MYT1L: variants seen among roughly 807,000 people sequenced by gnomAD.
MYT1L encodes myelin transcription factor 1 like, also known as myelin transcription factor 1-like protein.
MYT1L carries 12 observed loss-of-function variants against 126.7 expected under a neutral mutation model. The ratio of observed to expected loss-of-function variants is 0.09; its 90% confidence interval spans 0.06 to 0.15. The LOEUF (loss-of-function observed/expected upper bound fraction) is 0.15. Among genes scored for constraint, MYT1L ranks in the 10% least tolerant of loss-of-function variants. MYT1L has a pLI of 1.00. For synonymous variants in MYT1L, 541 were observed against 604.2 expected (o/e 0.90, Z 1.53); for missense variants, 979 against 1,585.2 (o/e 0.62, Z 6.49).
chr2:1,895,291 C>A (rs551587392), intron 14 of MYT1L, among the ~76,000 whole-genome samples: 118 of 152,328 alleles, frequency 7.7e-4, no homozygotes, highest in African/African-American at 2.6e-3. Context: ...CCAAAGCAAT[C>A]TGCAGATTCA....
intron 2 of MYT1L, among the ~76,000 whole-genome samples, chr2:2,255,284 A>G (rs2094775875): frequency 6.6e-6 from 1 of 152,118 alleles, no homozygotes; most frequent in South Asian, 2.1e-4. Flanking sequence ...TAAATTTCCA[A>G]CACACACTCA....
intron 21 of MYT1L, among the ~76,000 whole-genome samples, chr2:1,818,020 G>A (rs982357698): frequency 6.6e-6 from 1 of 152,194 alleles, no homozygotes; most frequent in Non-Finnish European, 1.5e-5. Flanking sequence ...TCAGCACCAG[G>A]GATTCCAGAT....
chr2:1,906,661 C>T (rs2051100754), intron 13 of MYT1L, among the ~76,000 whole-genome samples: 1 of 152,048 alleles, frequency 6.6e-6, no homozygotes, highest in Admixed American at 6.6e-5. Flanking sequence ...ATTAATTTAG[C>T]CGATTTACTT....
At chr2:2,312,680 G>C (rs1231408133) in intron 1 of MYT1L, among the ~76,000 whole-genome samples, 1 of 152,120 alleles carries the variant, frequency 6.6e-6, no homozygotes, top group East Asian at 1.9e-4. Flanking sequence ...TTCATTCTAT[G>C]CTTTCTACCC....
At chr2:2,306,947 A>G (rs2095867118) in intron 1 of MYT1L, among the ~76,000 whole-genome samples, 1 of 152,208 alleles carries the variant, frequency 6.6e-6, no homozygotes, top group Non-Finnish European at 1.5e-5. Flanking sequence ...TCAAAAGAAA[A>G]GGGCTAGAAT....
At chr2:2,212,979 G>A (rs2093572686) in intron 2 of MYT1L, among the ~76,000 whole-genome samples, 1 of 152,168 alleles carries the variant, frequency 6.6e-6, no homozygotes, top group East Asian at 1.9e-4. Context: ...AGGCAAATAA[G>A]TAGAGGGGAG....
intron 2 of MYT1L, among the ~76,000 whole-genome samples, chr2:2,194,692 T>C (rs991059091): frequency 6.6e-6 from 1 of 152,196 alleles, no homozygotes; most frequent in South Asian, 2.1e-4. Flanking sequence ...CTGTGAGACC[T>C]TCCCCCCTCA....
intron 3 of MYT1L, among the ~76,000 whole-genome samples, chr2:2,157,769 T>C (rs1416891362): frequency 1.3e-5 from 2 of 152,190 alleles, no homozygotes; most frequent in African/African-American, 4.8e-5. Flanking sequence ...TAAAAGAAAA[T>C]GTCTGTTGTC....
In MYT1L at chr2:2,129,194, C is replaced by T. The variant is rs189998075; in HGVS notation, c.-304+43678G>A. On this transcript the variant is annotated intron_variant, in intron 3 of 24. Coordinates refer to ENST00000647738, the MANE Select transcript of MYT1L (RefSeq NM_001303052.2). ...GCAGATGCCTGGAGGAGAAGGTGGT[C>T]GGGAAGAAGTTACATCCACAAGCAC... Among the ~76,000 whole-genome samples, 168 of 152,210 alleles carry T rather than the reference C, an allele frequency of 1.1e-3. No homozygotes were observed. The East Asian group carries it at 0.018, about 16-fold the overall frequency.
intron 3 of MYT1L, among the ~76,000 whole-genome samples, chr2:2,073,968 C>G (rs1462825803): frequency 6.6e-6 from 1 of 152,146 alleles, no homozygotes; most frequent in Non-Finnish European, 1.5e-5. Flanking sequence ...AATTGCCCGT[C>G]TCACCCACAA....
intron 3 of MYT1L, among the ~76,000 whole-genome samples, chr2:2,101,884 T>C (rs2150484972): frequency 6.6e-6 from 1 of 152,354 alleles, no homozygotes; most frequent in South Asian, 2.1e-4. Flanking sequence ...CTATTACTGT[T>C]TTACCTTATG....
At chr2:2,167,163 T>G (rs1559204841) in intron 3 of MYT1L, among the ~76,000 whole-genome samples, 1 of 152,190 alleles carries the variant, frequency 6.6e-6, no homozygotes, top group African/African-American at 2.4e-5. Flanking sequence ...CAGGCATTAG[T>G]GTGTGTAACC....
In MYT1L at chr2:2,292,080, T is replaced by C. The variant is rs118171065; in HGVS notation, c.-520-7577A>G. Among the ~76,000 whole-genome samples the C allele has an allele frequency of 8.7e-4, 133 of 152,244 alleles. No individual in the cohort carries two copies. The East Asian group carries it at 0.021, about 25-fold the overall frequency. On this transcript the variant is annotated intron_variant, in intron 1 of 24. Transcript: ENST00000647738. ...CAGCTGCGTGGGCTCTGCTTCCCTCTGTTGGTGTGGAGCGGGAAGGAAGGA... is the reference window on the plus strand; with the variant it reads ...CAGCTGCGTGGGCTCTGCTTCCCTCCGTTGGTGTGGAGCGGGAAGGAAGGA...
chr2:2,282,711 A>C (rs9941545), intron 2 of MYT1L, among the ~76,000 whole-genome samples: 11,476 of 152,272 alleles, frequency 0.075, 597 homozygotes, highest in South Asian at 0.17. Context: ...AGAATTGATG[A>C]AGTATATTTC....
chr2:1,927,881 GA>G (rs756263237), intron 9 of MYT1L, among the ~76,000 whole-genome samples: 2 of 152,072 alleles, frequency 1.3e-5, no homozygotes, highest in Non-Finnish European at 2.9e-5. Flanking sequence ...TCATTCTAAT[GA>G]AAAGATGATG....
intron 21 of MYT1L, among the ~76,000 whole-genome samples, chr2:1,830,485 T>C (rs2039993759): frequency 6.6e-6 from 1 of 151,696 alleles, no homozygotes. Flanking sequence ...GGAAAGGGTG[T>C]TCTCGGCACC....
chr2:2,008,797 G>A (rs1311813671), intron 4 of MYT1L, among the ~76,000 whole-genome samples: 6 of 152,000 alleles, frequency 3.9e-5, no homozygotes, highest in Non-Finnish European at 8.8e-5. Flanking sequence ...TCTTCTTGGA[G>A]TTTTATGGTT....
intron 2 of MYT1L, among the ~76,000 whole-genome samples, chr2:2,196,985 G>T (rs1007847435): frequency 6.6e-6 from 1 of 151,872 alleles, no homozygotes; most frequent in African/African-American, 2.4e-5. Flanking sequence ...GACACAAAAA[G>T]GTTGAAGATA....
At chr2:1,913,624 C>T (rs2052386392) in intron 11 of MYT1L, among the ~76,000 whole-genome samples, 1 of 152,226 alleles carries the variant, frequency 6.6e-6, no homozygotes, top group Admixed American at 6.5e-5. Context: ...TGCTTCTCTT[C>T]ACACTGCTCC....
Sources: gnomAD v4.1 joint callset for allele counts (sites outside exome capture counted in the v4.1 genomes callset) on GRCh38, gnomAD v4.1.1 for gene constraint, MANE v1.5 for transcripts, NCBI Gene and HGNC (gene_info 2026-07-23, HGNC 2026-07-21) for gene names.